The following LINGO2 variants were observed in gnomAD, a reference collection of about 807,000 sequenced individuals.
The protein encoded by LINGO2 is leucine rich repeat and Ig domain containing 2, also known as leucine-rich repeat and immunoglobulin-like domain-containing nogo receptor-interacting protein 2.
A neutral mutation model predicts 30.6 loss-of-function variants in LINGO2; 14 were observed. The ratio of observed to expected loss-of-function variants is 0.46; its 90% confidence interval spans 0.30 to 0.72. The LOEUF is 0.72. LINGO2 is among the 30% of genes least tolerant of loss of function. LINGO2 has a pLI of 0.07. For missense variants in LINGO2, 729 were observed against 751.7 expected (o/e 0.97, Z 0.35); for synonymous variants, 317 against 288.5 (o/e 1.10, Z -1.00).
the LINGO2 span, among the ~76,000 whole-genome samples, chr9:28,973,186 T>C: frequency 9.9e-5 from 15 of 152,110 alleles, no homozygotes; most frequent in African/African-American, 3.4e-4. Flanking sequence ...ACGAAGGTTA[T>C]AGAACACCAA....
intron 4 of LINGO2, among the ~76,000 whole-genome samples, chr9:28,265,912 T>A (rs1417628282): frequency 6.6e-6 from 1 of 151,958 alleles, no homozygotes; most frequent in Non-Finnish European, 1.5e-5. Context: ...ACATGCCTGC[T>A]CCTTATACCC....
the LINGO2 span, among the ~76,000 whole-genome samples, chr9:29,149,435 C>T: frequency 6.6e-6 from 1 of 151,658 alleles, no homozygotes; most frequent in East Asian, 1.9e-4. Context: ...ACAGATATTT[C>T]AAGAGAAAAC....
At position 28,556,091 on chromosome 9, in the gene LINGO2, A is replaced by G. The variant is rs569358651; in HGVS notation, c.-364-80066T>C. On this transcript the variant is annotated intron_variant, in intron 1 of 5. Transcript: ENST00000379992. ...TTCCCTCTGAAAATGGGCACAAGAC[A>G]GGGATGCCCTCTCTCACCACTCCTA... is the stretch of plus-strand genomic sequence containing the variant. Among the ~76,000 whole-genome samples, 581 of 152,208 alleles carry G rather than the reference A, an allele frequency of 3.8e-3. 7 individuals are homozygous for G. Among genetic ancestry groups the G allele is most frequent in the Non-Finnish European group, 3.6e-3 (243 of 68,030 alleles).
At chr9:27,989,704 TGCTACACACTTTA>T (rs1821302264) in intron 5 of LINGO2, among the ~76,000 whole-genome samples, 2 of 152,014 alleles carry the variant, frequency 1.3e-5, no homozygotes, top group Admixed American at 1.3e-4. Flanking sequence ...TTAAACACCG[TGCTACACACTTTA>T]ACGCATTGAC....
the LINGO2 span, among the ~76,000 whole-genome samples, chr9:28,745,525 G>A: frequency 1.4e-4 from 22 of 151,968 alleles, no homozygotes; most frequent in Admixed American, 3.3e-4. Context: ...TTTGTTCTTA[G>A]GAAAATTCCC....
At chr9:28,359,522 A>G (rs1204542966) in intron 3 of LINGO2, among the ~76,000 whole-genome samples, 1 of 152,194 alleles carries the variant, frequency 6.6e-6, no homozygotes, top group Non-Finnish European at 1.5e-5. Context: ...TTTGTTTTAT[A>G]ACTGTACAAT....
chr9:28,414,915 C>A (rs556899325), intron 2 of LINGO2, among the ~76,000 whole-genome samples: 2 of 152,020 alleles, frequency 1.3e-5, no homozygotes, highest in South Asian at 4.2e-4. Context: ...GCACTGAAAA[C>A]AAGTCCAGAG....
Position 28,355,243 on chromosome 9 carries a change from G to GTC in LINGO2, c.-246+17591_-246+17592dup, listed in dbSNP as rs745669606. Among the ~76,000 whole-genome samples, 3 of 108,694 alleles carry GTC rather than the reference G, an allele frequency of 2.8e-5. No individual in the cohort carries two copies. The South Asian group carries it at 1.0e-3, about 38-fold the overall frequency. The allele number at this position is 108,694 out of a possible 152,430, so 71.3% of individuals were successfully genotyped here. On this transcript the variant is annotated intron_variant, in intron 3 of 5. Coordinates refer to ENST00000379992, the Ensembl canonical transcript of LINGO2. Reference sequence around the variant, plus strand: ...CCGTAATCTGTCTCTATCTCTCTCTGTCTCTCTCTCTGTCTCTGTCTCTCT... The same window carrying GTC: ...CCGTAATCTGTCTCTATCTCTCTCTGTCTCTCTCTCTCTGTCTCTGTCTCTCT...
intron 1 of LINGO2, among the ~76,000 whole-genome samples, chr9:28,571,679 T>C (rs560676380): frequency 6.6e-6 from 1 of 152,126 alleles, no homozygotes. Flanking sequence ...AATTGGTTTT[T>C]TGCATAGGCA....
intron 2 of LINGO2, among the ~76,000 whole-genome samples, chr9:28,433,921 C>T (rs1019712219): frequency 6.6e-5 from 4 of 60,520 alleles, no homozygotes; most frequent in African/African-American, 2.5e-4. Context: ...TGTGCTCTCT[C>T]TTTCTCTCTC....
At chr9:28,690,530 A>C in the LINGO2 span, among the ~76,000 whole-genome samples, 1 of 152,164 alleles carries the variant, frequency 6.6e-6, no homozygotes, top group South Asian at 2.1e-4. Context: ...TCTTAGTAGG[A>C]AAATTTGTTG....
chr9:28,374,317 G>T (rs1234409102), intron 2 of LINGO2, among the ~76,000 whole-genome samples: 1 of 151,068 alleles, frequency 6.6e-6, no homozygotes, highest in Non-Finnish European at 1.5e-5. Flanking sequence ...GTTGAAGAGG[G>T]AACTTTTTTC....
intron 4 of LINGO2, among the ~76,000 whole-genome samples, chr9:28,058,955 TCA>T (rs1825052238): frequency 6.6e-6 from 1 of 152,164 alleles, no homozygotes; most frequent in Non-Finnish European, 1.5e-5. Flanking sequence ...GTGTGCATGC[TCA>T]CATTTTATTT....
At chr9:28,597,387 G>C (rs1451896501) in intron 1 of LINGO2, among the ~76,000 whole-genome samples, 1 of 152,164 alleles carries the variant, frequency 6.6e-6, no homozygotes, top group African/African-American at 2.4e-5. Context: ...GAGAGGAACA[G>C]TCACTCAAAG....
chr9:28,497,686 G>A (rs1363790014), intron 1 of LINGO2, among the ~76,000 whole-genome samples: 2 of 152,266 alleles, frequency 1.3e-5, no homozygotes, highest in African/African-American at 4.8e-5. Flanking sequence ...ATCCAGCTTT[G>A]TTCCGTTGCT....
At chr9:28,131,853 G>C (rs1827387403) in intron 4 of LINGO2, among the ~76,000 whole-genome samples, 1 of 152,066 alleles carries the variant, frequency 6.6e-6, no homozygotes, top group Non-Finnish European at 1.5e-5. Context: ...AAAGAAGAAG[G>C]CTCAATATAG....
At chr9:28,458,822 G>A (rs1286176788) in intron 2 of LINGO2, among the ~76,000 whole-genome samples, 1 of 152,032 alleles carries the variant, frequency 6.6e-6, no homozygotes, top group Non-Finnish European at 1.5e-5. Flanking sequence ...TAAACTCATT[G>A]CTCACCTTGA....
At chr9:28,076,385 C>T (rs1402043124) in intron 4 of LINGO2, among the ~76,000 whole-genome samples, 6 of 152,072 alleles carry the variant, frequency 3.9e-5, no homozygotes, top group African/African-American at 9.7e-5. Flanking sequence ...TCTTTAACTT[C>T]CCCCCAAACA....
rs144733153 is a variant in LINGO2, at chr9:28,374,133, G to A, written c.-278-1265C>T. 5.9e-3 allele frequency among the ~76,000 whole-genome samples: 890 copies of A among 151,162 alleles called. 8 individuals carry two copies. The highest frequency in any genetic ancestry group is 0.021 in the African/African-American group (850 of 41,174). On this transcript the variant is annotated intron_variant, in intron 2 of 5. Coordinates refer to ENST00000379992, the Ensembl canonical transcript of LINGO2. ...ACATGAGGCCTTTGTTCGGCACCAC[G>A]ACGTGAAGGCCTACGGAGTATTTGA... is the stretch of plus-strand genomic sequence containing the variant.
Sources: gnomAD v4.1 joint callset for allele counts (sites outside exome capture counted in the v4.1 genomes callset) on GRCh38, gnomAD v4.1.1 for gene constraint, MANE v1.5 for transcripts, NCBI Gene and HGNC (gene_info 2026-07-23, HGNC 2026-07-21) for gene names.